JAZF1: variants seen among roughly 807,000 people sequenced by gnomAD.
The protein encoded by JAZF1 is juxtaposed with another zinc finger protein 1.
A neutral mutation model predicts 26.4 loss-of-function variants in JAZF1; 8 were observed. The ratio of observed to expected loss-of-function variants is 0.30; its 90% CI spans 0.18 to 0.55. The LOEUF is 0.55. Among genes scored for constraint, JAZF1 ranks in the 20% least tolerant of loss-of-function variants. The pLI, the probability that JAZF1 is intolerant of heterozygous loss-of-function variation, is 0.94. For missense variants in JAZF1, 199 were observed against 322.0 expected, an observed-to-expected ratio of 0.62 and a Z score of 2.92; for synonymous variants, 126 against 122.3, an observed-to-expected ratio of 1.03 and a Z score of -0.20.
chr7:28,140,064 A>G (rs1320553098), intron 1 of JAZF1, among the ~76,000 whole-genome samples: 2 of 148,468 alleles, frequency 1.3e-5, no homozygotes, highest in Non-Finnish European at 3.0e-5. Flanking sequence ...AGCTCCTATA[A>G]AAGTTGAAAG....
chr7:28,176,035 C>T (rs3735568), intron 1 of JAZF1, among the ~76,000 whole-genome samples: 29,059 of 152,014 alleles, frequency 0.19, 5,043 homozygotes, highest in East Asian at 0.49. Context: ...ATTAATTAGA[C>T]GGTTTATAAA....
At chr7:27,863,256 T>A (rs879908117) in intron 3 of JAZF1, among the ~76,000 whole-genome samples, 2 of 152,242 alleles carry the variant, frequency 1.3e-5, no homozygotes, top group Non-Finnish European at 2.9e-5. Flanking sequence ...TATGTCTCCA[T>A]GTCCATCTGG....
At chr7:28,151,531 T>C (rs906137310) in intron 1 of JAZF1, among the ~76,000 whole-genome samples, 5 of 152,042 alleles carry the variant, frequency 3.3e-5, no homozygotes, top group Admixed American at 2.0e-4. Context: ...CCAGGCACGG[T>C]GGCTCATGTC....
intron 1 of JAZF1, among the ~76,000 whole-genome samples, chr7:28,019,092 T>C (rs1479367054): frequency 1.3e-5 from 2 of 152,254 alleles, no homozygotes; most frequent in Non-Finnish European, 2.9e-5. Context: ...GTGGCTCCTC[T>C]GTTTATCCTT....
chr7:27,953,627 C>T (rs1014196734), intron 2 of JAZF1, among the ~76,000 whole-genome samples: 2 of 152,122 alleles, frequency 1.3e-5, no homozygotes, highest in African/African-American at 4.8e-5. Context: ...GAGACTCCAA[C>T]GAGGTGGCAT....
intron 2 of JAZF1, among the ~76,000 whole-genome samples, chr7:27,910,980 G>C (rs1784351612): frequency 6.6e-6 from 1 of 152,180 alleles, no homozygotes; most frequent in African/African-American, 2.4e-5. Context: ...CCTGGGAAAT[G>C]AGACAAATAC....
intron 3 of JAZF1, chr7:27,843,515 A>T (rs1265892201): frequency 6.6e-6 from 1 of 152,274 alleles, no homozygotes; most frequent in Non-Finnish European, 1.5e-5. Context: ...TACATATTCC[A>T]TATAAAATAA....
intron 1 of JAZF1, among the ~76,000 whole-genome samples, chr7:28,026,513 T>C (rs1783096647): frequency 6.6e-6 from 1 of 152,164 alleles, no homozygotes; most frequent in Admixed American, 6.5e-5. Flanking sequence ...CTCAGGTTCC[T>C]CCGGGTGACT....
intron 2 of JAZF1, among the ~76,000 whole-genome samples, chr7:27,987,919 G>A (rs1354882373): frequency 6.6e-6 from 1 of 152,180 alleles, no homozygotes; most frequent in Non-Finnish European, 1.5e-5. Context: ...AACACGTGCT[G>A]TGTCAACTCA....
At chr7:27,920,318 G>A (rs1222673755) in intron 2 of JAZF1, among the ~76,000 whole-genome samples, 1 of 152,160 alleles carries the variant, frequency 6.6e-6, no homozygotes, top group Non-Finnish European at 1.5e-5. Context: ...TCTCAAGGGA[G>A]TCTTTATTTA....
At chr7:28,081,945 C>T (rs1005918401) in intron 1 of JAZF1, among the ~76,000 whole-genome samples, 1 of 152,068 alleles carries the variant, frequency 6.6e-6, no homozygotes, top group Non-Finnish European at 1.5e-5. Context: ...GTTTAATAAC[C>T]ATTTATAGAA....
intron 1 of JAZF1, among the ~76,000 whole-genome samples, chr7:28,082,745 T>C (rs1289234576): frequency 6.6e-6 from 1 of 152,162 alleles, no homozygotes; most frequent in African/African-American, 2.4e-5. Flanking sequence ...GGACTGTGCA[T>C]CCACCTGCTG....
At chr7:27,982,325 T>TCCCACGCCCGGCTCAGAGGGA (rs977364732) in intron 2 of JAZF1, among the ~76,000 whole-genome samples, 3 of 151,980 alleles carry the variant, frequency 2.0e-5, no homozygotes, top group African/African-American at 4.8e-5. Flanking sequence ...GCTCAGAGGG[T>TCCCACGCCCGGCTCAGAGGGA]CCCACGCCCA....
intron 1 of JAZF1, among the ~76,000 whole-genome samples, chr7:28,127,566 C>T (rs1782717509): frequency 6.6e-6 from 1 of 151,738 alleles, no homozygotes; most frequent in Admixed American, 6.6e-5. Flanking sequence ...AAAAAAAGTG[C>T]CAAAAAGTTT....
chr7:27,944,376 C>T (rs771209347), intron 2 of JAZF1, among the ~76,000 whole-genome samples: 8 of 152,144 alleles, frequency 5.3e-5, no homozygotes, highest in Admixed American at 4.6e-4. Context: ...CTTAATTTTC[C>T]GGTTATCCAA....
At chr7:28,101,001 T>C (rs1233979173) in intron 1 of JAZF1, among the ~76,000 whole-genome samples, 2 of 152,244 alleles carry the variant, frequency 1.3e-5, no homozygotes, top group East Asian at 3.8e-4. Flanking sequence ...GAATTATTTA[T>C]AGATCATGTC....
intron 1 of JAZF1, among the ~76,000 whole-genome samples, chr7:28,061,221 A>ATTACTT (rs1289849237): frequency 6.6e-6 from 1 of 152,208 alleles, no homozygotes; most frequent in African/African-American, 2.4e-5. Context: ...AGGCATTATT[A>ATTACTT]TTACTATTAC....
At chr7:28,170,337 ATGTGTGTGTGTGTGTG>A (rs61200785) in intron 1 of JAZF1, among the ~76,000 whole-genome samples, 1,219 of 98,542 alleles carry the variant, frequency 0.012, 11 homozygotes, top group Middle Eastern at 0.021. Context: ...AGAAGTTGAT[ATGTGTGTGTGTGTGTG>A]TGTGTGTGTG....
intron 4 of JAZF1, among the ~76,000 whole-genome samples, chr7:27,839,933 T>C (rs117933100): frequency 0.013 from 1,994 of 152,258 alleles, 16 homozygotes; most frequent in Middle Eastern, 0.044. Context: ...TAGCTCACAG[T>C]TGGATGTGAA....
Sources: allele counts gnomAD v4.1 joint callset (sites outside exome capture counted in the v4.1 genomes callset), GRCh38; gene constraint gnomAD v4.1.1; transcripts MANE v1.5; gene names NCBI Gene and HGNC (gene_info 2026-07-23, HGNC 2026-07-21).